Variants in CTNNA2 observed in about 807,000 individuals in gnomAD.
The protein encoded by CTNNA2 is catenin alpha 2.
Under a neutral mutation model 101.0 loss-of-function variants are expected in CTNNA2, and 42 were observed. The observed-to-expected ratio is 0.42, with a 90% CI of 0.32 to 0.54. The LOEUF is 0.54. Ranked by LOEUF, CTNNA2 falls within the 20% of genes least tolerant of loss-of-function variation. The probability of loss-of-function intolerance (pLI) is 0.14; values close to 1 mark genes in which losing one functional copy is unlikely to be tolerated. For synonymous variants in CTNNA2, 450 were observed against 456.4 expected (o/e 0.99, Z 0.18); for missense variants, 871 against 1,223.1 (o/e 0.71, Z 4.29).
intron 4 of CTNNA2, among the ~76,000 whole-genome samples, chr2:79,485,904 T>A (rs764269100): frequency 6.6e-5 from 10 of 152,156 alleles, no homozygotes; most frequent in Non-Finnish European, 1.3e-4. Context: ...AATTTTCTGT[T>A]TCCTTGAGGA....
intron 15 of CTNNA2, among the ~76,000 whole-genome samples, chr2:80,596,603 C>T (rs1193720653): frequency 6.6e-6 from 1 of 151,908 alleles, no homozygotes; most frequent in Non-Finnish European, 1.5e-5. Context: ...TGAGCCACCG[C>T]ACCAGGCCAA....
At chr2:79,694,755 A>G (rs1356830586) in intron 2 of CTNNA2, among the ~76,000 whole-genome samples, 2 of 151,942 alleles carry the variant, frequency 1.3e-5, no homozygotes, top group Non-Finnish European at 2.9e-5. Context: ...GTCCCCACAT[A>G]AAGAACTAAA....
At chr2:79,234,744 T>A (rs1329332231) in intron 2 of CTNNA2, among the ~76,000 whole-genome samples, 2 of 152,206 alleles carry the variant, frequency 1.3e-5, no homozygotes, top group South Asian at 4.1e-4. Flanking sequence ...TCTTTTTTCC[T>A]TATATTTGTA....
rs186203493 is a variant in CTNNA2, at chr2:79,402,132, C to T, written c.-135+28119C>T. Among the ~76,000 whole-genome samples the T allele has an allele frequency of 1.6e-4, 24 of 151,724 alleles. No individual in the cohort carries two copies. In the East Asian group the frequency reaches 4.5e-3, roughly 28 times the overall value. ...ATAAAAATTATAAACCTATATCCAC[C>T]TAGCAAAAGAGTCCAAAAATGCCTT... On this transcript the variant is annotated intron_variant, in intron 4 of 21. Transcript: ENST00000466387.
intron 2 of CTNNA2, among the ~76,000 whole-genome samples, chr2:79,246,556 C>A (rs1248349979): frequency 2.0e-5 from 3 of 152,180 alleles, no homozygotes; most frequent in African/African-American, 7.2e-5. Context: ...ACCTAGAGGT[C>A]TTTTTGTTCA....
intron 7 of CTNNA2, among the ~76,000 whole-genome samples, chr2:79,923,147 G>A (rs1190684969): frequency 1.3e-5 from 2 of 152,074 alleles, no homozygotes; most frequent in Non-Finnish European, 2.9e-5. Context: ...TGTTTTGTCA[G>A]GAGTAGGTGT....
chr2:79,487,532 C>A (rs1473754159), intron 4 of CTNNA2, among the ~76,000 whole-genome samples: 1 of 152,136 alleles, frequency 6.6e-6, no homozygotes, highest in African/African-American at 2.4e-5. Flanking sequence ...ATCTGAGAAC[C>A]CAGATAGCAC....
intron 3 of CTNNA2, among the ~76,000 whole-genome samples, chr2:79,819,242 G>A (rs1677819021): frequency 6.6e-6 from 1 of 152,020 alleles, no homozygotes; most frequent in African/African-American, 2.4e-5. Flanking sequence ...GCCTCCCAAA[G>A]TGCTGGGATT....
intron 7 of CTNNA2, among the ~76,000 whole-genome samples, chr2:80,203,468 T>A (rs529446845): frequency 4.4e-4 from 67 of 152,358 alleles, no homozygotes; most frequent in African/African-American, 1.6e-3. Flanking sequence ...ACAGGCCCCA[T>A]GCAAGTCTGA....
intron 7 of CTNNA2, among the ~76,000 whole-genome samples, chr2:80,360,061 A>G (rs1169597015): frequency 3.3e-5 from 5 of 152,120 alleles, no homozygotes; most frequent in Admixed American, 3.3e-4. Flanking sequence ...AATTCCTTTT[A>G]GCAAAGTTTT....
chr2:80,317,534 GT>G (rs1488924680), intron 7 of CTNNA2, among the ~76,000 whole-genome samples: 1 of 152,096 alleles, frequency 6.6e-6, no homozygotes, highest in Non-Finnish European at 1.5e-5. Context: ...TTTTAACTCT[GT>G]AAAAGCCAAA....
intron 7 of CTNNA2, among the ~76,000 whole-genome samples, chr2:79,933,516 A>G (rs112161685): frequency 2.4e-3 from 369 of 151,308 alleles, no homozygotes; most frequent in African/African-American, 8.2e-3. Context: ...GTACAATGGC[A>G]AGATCTCGGC....
chr2:80,353,555 C>T (rs541838044), intron 7 of CTNNA2, among the ~76,000 whole-genome samples: 3 of 152,256 alleles, frequency 2.0e-5, no homozygotes, highest in South Asian at 4.1e-4. Context: ...TTAATTGAGG[C>T]TCTTTACTCC....
chr2:79,411,405 T>C (rs1352093779), intron 4 of CTNNA2, among the ~76,000 whole-genome samples: 1 of 152,032 alleles, frequency 6.6e-6, no homozygotes, highest in Non-Finnish European at 1.5e-5. Context: ...GGTGTCAATT[T>C]TGGATCTTTC....
intron 7 of CTNNA2, among the ~76,000 whole-genome samples, chr2:80,262,867 A>C (rs182130600): frequency 6.6e-6 from 1 of 152,284 alleles, no homozygotes; most frequent in Admixed American, 6.5e-5. Flanking sequence ...ACCCTTTCAA[A>C]ATTTCCAGAT....
chr2:79,288,656 C>A (rs1202617400), intron 2 of CTNNA2, among the ~76,000 whole-genome samples: 2 of 152,146 alleles, frequency 1.3e-5, no homozygotes, highest in African/African-American at 4.8e-5. Context: ...CTTCCTCATA[C>A]CATGGTGGCT....
chr2:79,551,826 G>A (rs1265894996), intron 1 of CTNNA2, among the ~76,000 whole-genome samples: 1 of 152,102 alleles, frequency 6.6e-6, no homozygotes, highest in African/African-American at 2.4e-5. Flanking sequence ...TAAACAACCA[G>A]ATCTTGTGAG....
intron 1 of CTNNA2, among the ~76,000 whole-genome samples, chr2:79,638,478 T>TTC: frequency 2.6e-5 from 4 of 152,324 alleles, no homozygotes; most frequent in Middle Eastern, 6.8e-3. Context: ...TGTGAAAGAC[T>TTC]TCTAGGCAAA....
intron 2 of CTNNA2, among the ~76,000 whole-genome samples, chr2:79,297,854 T>C (rs181426012): frequency 6.6e-6 from 1 of 152,344 alleles, no homozygotes; most frequent in East Asian, 1.9e-4. Flanking sequence ...AGTCAAATTC[T>C]GAGGCAGATT....
Sources: allele counts gnomAD v4.1 joint callset (sites outside exome capture counted in the v4.1 genomes callset), GRCh38; gene constraint gnomAD v4.1.1; transcripts MANE v1.5; gene names NCBI Gene and HGNC (gene_info 2026-07-23, HGNC 2026-07-21).